Variants in MYT1 observed in about 807,000 individuals in gnomAD.
MYT1 encodes myelin transcription factor 1.
A neutral mutation model predicts 123.0 loss-of-function variants in MYT1; 23 were observed. The observed-to-expected ratio is 0.19, with a 90% CI of 0.13 to 0.26. The LOEUF is 0.26. Among genes scored for constraint, MYT1 ranks in the 10% least tolerant of loss-of-function variants. MYT1 has a pLI of 1.00. For missense variants in MYT1, 1,125 were observed against 1,472.5 expected (o/e 0.76, Z 3.86); for synonymous variants, 518 against 575.3 (o/e 0.90, Z 1.43).
Position 64,212,528 on chromosome 20 carries a change from C to T in MYT1, c.1517+390C>T, listed in dbSNP as rs764837760. Among the ~76,000 whole-genome samples, 2 of 152,126 alleles carry T rather than the reference C, an allele frequency of 1.3e-5. No individual in the cohort carries two copies. Among genetic ancestry groups the T allele is most frequent in the Non-Finnish European group, 2.9e-5 (2 of 68,004 alleles). On this transcript the variant is annotated intron_variant, in intron 9 of 22. Transcript: ENST00000328439. This position sits in a 1 kb window ranked among gnomAD's most constrained non-coding sequence, Gnocchi z 6.8. ...TACGAGCTCCCGAGAGAGCAGGGGG[C>T]GGCCTGCAGAGGAGGGAGCAATGCA...
intron 2 of MYT1, among the ~76,000 whole-genome samples, chr20:64,195,354 CTGTGTG>C (rs5741790): frequency 0.056 from 5,551 of 98,726 alleles, 413 homozygotes; most frequent in African/African-American, 0.16. Flanking sequence ...ATGGTGAGAA[CTGTGTG>C]TGTGTGTGTG....
At position 64,239,913 on chromosome 20, in the gene MYT1, A is replaced by G. The variant is rs772411935; in HGVS notation, c.3237+10A>G. On this transcript the variant is annotated intron_variant, in intron 22 of 22. Coordinates refer to ENST00000328439, the MANE Select transcript of MYT1 (RefSeq NM_004535.3). ...CCGCCTTCCGCACATGGTAGGCAGC[A>G]CGCGGGCCTGCCGGCACCACAGCTA... is the stretch of plus-strand genomic sequence containing the variant. 1.2e-6 allele frequency: 2 copies of G among 1,610,846 alleles called. No homozygotes were observed. The highest frequency in any genetic ancestry group is 1.7e-5 in the Admixed American group (1 of 60,020).
At chr20:64,220,106 G>A (rs557819946) in intron 13 of MYT1, 124 bp downstream of exon 13, 166 of 1,386,838 alleles carry the variant, frequency 1.2e-4, no homozygotes, top group Non-Finnish European at 1.5e-4. Flanking sequence ...GCCTCGGGGA[G>A]CCATCCCTTT....
At position 64,185,287 on chromosome 20, in the gene MYT1, G is replaced by GGGA. The variant is rs1982767728; in HGVS notation, c.-98-4773_-98-4771dup. Among the ~76,000 whole-genome samples, 1 of 152,196 alleles carries GGGA rather than the reference G, an allele frequency of 6.6e-6. No individual in the cohort carries two copies. Among genetic ancestry groups the GGGA allele is most frequent in the African/African-American group, 2.4e-5 (1 of 41,430 alleles). On this transcript the variant is annotated intron_variant, in intron 1 of 22. Coordinates refer to ENST00000328439, the MANE Select transcript of MYT1 (RefSeq NM_004535.3). This position sits in a 1 kb window ranked among gnomAD's most constrained non-coding sequence, Gnocchi z 4.5. ...TCCAGATGGACAAGCTGGCTCAGCA[G>GGGA]GGAGGCAAGACCCCATCTCCTGTGC...
chr20:64,228,151 T>C, intron 18 of MYT1, 180 bp downstream of exon 18: 1 of 627,882 alleles, frequency 1.6e-6, no homozygotes, highest in Non-Finnish European at 2.8e-6. Flanking sequence ...TACACGTTGA[T>C]ACCTGTGAAG....
rs376834332 is a variant in MYT1, at chr20:64,189,084, G to T, written c.-98-979G>T. Among the ~76,000 whole-genome samples, 4 of 152,360 alleles carry T rather than the reference G, an allele frequency of 2.6e-5. No individual in the cohort carries two copies. In the South Asian group the frequency reaches 8.3e-4, roughly 32 times the overall value. ...AGGGTGCTGTGGCCAGAGGCACAGG[G>T]CTGCCTGGGGCCAGGAGTGGCCAGA... On this transcript the variant is annotated intron_variant, in intron 1 of 22. Transcript: ENST00000328439. The surrounding 1 kb of genome is among the most constrained non-coding windows in gnomAD (Gnocchi z 5.5).
intron 10 of MYT1, among the ~76,000 whole-genome samples, chr20:64,216,713 C>T (rs1347890251): frequency 6.6e-6 from 1 of 152,248 alleles, no homozygotes; most frequent in Non-Finnish European, 1.5e-5. Flanking sequence ...GCCTGATACT[C>T]ACTCCAGTTG....
intron 1 of MYT1, among the ~76,000 whole-genome samples, chr20:64,184,201 T>C (rs1363207856): frequency 1.3e-5 from 2 of 152,296 alleles, no homozygotes; most frequent in East Asian, 1.9e-4. Context: ...GCTTGTAGTG[T>C]TGTTGTCATA....
intron 17 of MYT1, 68 bp from the exon 18 acceptor site, chr20:64,227,820 G>A (rs1984212257): frequency 5.2e-6 from 7 of 1,352,318 alleles, no homozygotes; most frequent in South Asian, 1.3e-5. Context: ...GGGAGAGGGT[G>A]AGATGAACGG....
At chr20:64,180,112 C>T (rs766168684) in intron 1 of MYT1, among the ~76,000 whole-genome samples, 47 of 151,274 alleles carry the variant, frequency 3.1e-4, no homozygotes, top group South Asian at 2.1e-4. Context: ...GCTACACACA[C>T]GCTACACACA....
At chr20:64,171,886 C>T (rs1982295506) in intron 1 of MYT1, among the ~76,000 whole-genome samples, 2 of 149,968 alleles carry the variant, frequency 1.3e-5, no homozygotes, top group African/African-American at 4.9e-5. Context: ...CAAACCCTAA[C>T]CCCCTACACC....
In MYT1 at chr20:64,218,745, C is replaced by A. The variant is rs1380895663; in HGVS notation, c.1847-166C>A. The A allele has an allele frequency of 3.4e-6, 3 of 894,148 alleles. No homozygotes were observed. The highest frequency in any genetic ancestry group is 1.8e-5 in the Admixed American group (1 of 54,732). 55.4% of individuals were successfully genotyped at this position (894,148 alleles called of 1,614,324 possible). On this transcript the variant is annotated intron_variant, in intron 11 of 22. Coordinates refer to ENST00000328439, the MANE Select transcript of MYT1 (RefSeq NM_004535.3). This position sits in a 1 kb window ranked among gnomAD's most constrained non-coding sequence, Gnocchi z 4.0. ...GTGCCCTGGGCCCTCCCATCCCTCC[C>A]AAAGTGCCCCCTCCCCACTGACTTG...
At chr20:64,179,980 A>G (rs1401070327) in intron 1 of MYT1, among the ~76,000 whole-genome samples, 1 of 149,530 alleles carries the variant, frequency 6.7e-6, no homozygotes, top group Non-Finnish European at 1.5e-5. Context: ...CTCACATGCT[A>G]CACACAGTTA....
chr20:64,208,048 AGAG>A lies in MYT1; in HGVS notation c.855_857del (p.Glu306del). 1.3e-6 allele frequency: 2 copies of A among 1,586,608 alleles called. No individual in the cohort carries two copies. Among genetic ancestry groups the A allele is most frequent in the Non-Finnish European group, 1.7e-6 (2 of 1,163,288 alleles). ...AAGAGGAAGAGGAAGAGGAGGAGGAAGAGGAAGAGGAGGAGGAGGAAGAGGAAG... is the reference window on the plus strand; with the variant it reads ...AAGAGGAAGAGGAAGAGGAGGAGGAAGAAGAGGAGGAGGAGGAAGAGGAAG... On this transcript the variant is annotated inframe_deletion, in exon 7 of 23. Coordinates refer to ENST00000328439, the MANE Select transcript of MYT1 (RefSeq NM_004535.3). This position sits in a 1 kb window ranked among gnomAD's most constrained non-coding sequence, Gnocchi z 5.4.
Position 64,208,081 on chromosome 20 carries a change from G to GGAGGAAGAGGAAGAGGAA in MYT1, c.891_908dup (p.Glu301_Glu306dup). On this transcript the variant is annotated inframe_insertion, in exon 7 of 23. Coordinates refer to ENST00000328439, the MANE Select transcript of MYT1 (RefSeq NM_004535.3). This position sits in a 1 kb window ranked among gnomAD's most constrained non-coding sequence, Gnocchi z 5.4. Reference sequence around the variant, plus strand: ...AGGAGGAGGAGGAAGAGGAAGAGGAGGAGGAAGAGGAAGAGGAAGAGGAGG... The same window carrying GGAGGAAGAGGAAGAGGAA: ...AGGAGGAGGAGGAAGAGGAAGAGGAGGAGGAAGAGGAAGAGGAAGAGGAAGAGGAAGAGGAAGAGGAGG... 1 of 1,605,764 alleles carries GGAGGAAGAGGAAGAGGAA rather than the reference G, an allele frequency of 6.2e-7. No homozygotes were observed. The highest frequency in any genetic ancestry group is 2.2e-5 in the East Asian group (1 of 44,802).
intron 1 of MYT1, among the ~76,000 whole-genome samples, chr20:64,171,382 G>C (rs1982274672): frequency 6.6e-6 from 1 of 152,230 alleles, no homozygotes; most frequent in Non-Finnish European, 1.5e-5. Flanking sequence ...TCCCTAGAAG[G>C]CTGCCTGGAG....
intron 8 of MYT1, 52 bp downstream of exon 8, chr20:64,211,392 T>A (rs756963343): frequency 6.4e-7 from 1 of 1,564,300 alleles, no homozygotes; most frequent in Non-Finnish European, 8.7e-7. Context: ...ACGCTGCCTC[T>A]GTGGTGTTTG....
chr20:64,191,390 A>G lies in MYT1; in HGVS notation c.-1+1230A>G, dbSNP rs967413812. 3 of 152,194 alleles carry G rather than the reference A, an allele frequency of 2.0e-5. No individual in the cohort carries two copies. The highest frequency in any genetic ancestry group is 7.2e-5 in the African/African-American group (3 of 41,438). The allele number at this position is 152,194 out of a possible 1,614,324, so 9.4% of individuals were successfully genotyped here. ...GAGGCCAGGTCCCCAGGGTCAGGTG[A>G]CCCTCACAGCTGGAAGTAGAGGCTG... On this transcript the variant is annotated intron_variant, in intron 2 of 22. Transcript: ENST00000328439. The surrounding 1 kb of genome is among the most constrained non-coding windows in gnomAD (Gnocchi z 4.1).
Position 64,212,102 on chromosome 20 carries a change from A to G in MYT1, c.1481A>G (p.Gln494Arg). Residue 494 changes from glutamine (Q) to arginine (R), a missense_variant, in exon 9 of 23, where the codon CAG becomes CGG. By Grantham distance (43) the Gln-to-Arg change is conservative. This residue lies in a region of MYT1 where 429 missense variants were observed against 604.1 expected (regional missense o/e 0.71). Coordinates refer to ENST00000328439, the MANE Select transcript of MYT1 (RefSeq NM_004535.3). The surrounding 1 kb of genome is among the most constrained non-coding windows in gnomAD (Gnocchi z 6.8). ...LKCPTPGCTG[Q>R]GHVNSNRNTH... ...TGCCCCACTCCTGGCTGCACAGGCC[A>G]GGGTCACGTGAACAGCAACCGCAAC... is the stretch of plus-strand genomic sequence containing the variant. 6.2e-7 allele frequency: 1 copy of G among 1,612,170 alleles called. No homozygotes were observed. The highest frequency in any genetic ancestry group is 1.7e-4 in the Middle Eastern group (1 of 6,056).
Sources: allele counts gnomAD v4.1 joint callset (sites outside exome capture counted in the v4.1 genomes callset), GRCh38; gene constraint gnomAD v4.1.1; regional missense constraint gnomAD v4.1.1; non-coding constraint Gnocchi (gnomAD v3.1); transcripts MANE v1.5; gene names NCBI Gene and HGNC (gene_info 2026-07-23, HGNC 2026-07-21).